Variants in PCDHA9 observed in about 807,000 individuals in gnomAD.
PCDHA9 encodes the protein protocadherin alpha-9.
PCDHA9 carries 62 observed loss-of-function variants against 62.0 expected under a neutral mutation model. The ratio of observed to expected loss-of-function variants is 1.00; its 90% CI spans 0.81 to 1.23. PCDHA9 has a LOEUF of 1.23. Ranked by LOEUF, PCDHA9 falls within the 50% of genes most tolerant of loss-of-function variation. The probability of loss-of-function intolerance (pLI) is 0.00; values close to 1 mark genes in which losing one functional copy is unlikely to be tolerated. For synonymous variants in PCDHA9, 557 were observed against 567.6 expected (o/e 0.98, Z 0.27); for missense variants, 1,205 against 1,249.8 (o/e 0.96, Z 0.54).
chr5:140,955,078 G>T lies in PCDHA9; in HGVS notation c.2395-23871G>T, dbSNP rs192023775. On this transcript the variant is annotated intron_variant, in intron 1 of 3. Transcript: ENST00000532602. ...TTGTCAGGTTTGTTGAAGATCAGAT[G>T]GTTGTAGGTGTGTGGTGTTATTTCT... Among the ~76,000 whole-genome samples, 36 of 152,228 alleles carry T rather than the reference G, an allele frequency of 2.4e-4. No homozygotes were observed. In the East Asian group the frequency reaches 6.6e-3, roughly 28 times the overall value.
At chr5:140,963,701 AG>A (rs1226096855) in intron 1 of PCDHA9, among the ~76,000 whole-genome samples, 2 of 152,218 alleles carry the variant, frequency 1.3e-5, no homozygotes, top group Non-Finnish European at 1.5e-5. Flanking sequence ...TGATATCTAA[AG>A]GGCCATGCTA....
intron 1 of PCDHA9, among the ~76,000 whole-genome samples, chr5:140,917,332 G>C (rs182473611): frequency 8.9e-5 from 13 of 145,644 alleles, no homozygotes; most frequent in East Asian, 6.0e-4. Flanking sequence ...GGCGGGGGAG[G>C]GGGGGGATGG....
chr5:140,926,229 G>A (rs1251523401), intron 1 of PCDHA9: 1 of 152,186 alleles, frequency 6.6e-6, no homozygotes, highest in Non-Finnish European at 1.5e-5. Context: ...AGCCTAGAAG[G>A]TGTGGTCGCT....
At chr5:140,918,237 T>C (rs2078587640) in intron 1 of PCDHA9, among the ~76,000 whole-genome samples, 2 of 152,240 alleles carry the variant, frequency 1.3e-5, no homozygotes, top group Admixed American at 1.3e-4. Context: ...TGTACATTGA[T>C]TTTGTATGCT....
chr5:140,884,514 C>A (rs368331245), intron 1 of PCDHA9: 13 of 1,614,176 alleles, frequency 8.1e-6, no homozygotes, highest in East Asian at 2.2e-5. Context: ...GGGAGTTGGT[C>A]GTACTCGCAG....
intron 1 of PCDHA9, chr5:140,877,734 G>A (rs2057311538): frequency 1.9e-6 from 3 of 1,614,070 alleles, no homozygotes; most frequent in African/African-American, 2.7e-5. Flanking sequence ...CGCAGCAGAG[G>A]AGGCAGAGGG....
chr5:140,875,371 C>T (rs2055439966), intron 1 of PCDHA9: 2 of 1,451,152 alleles, frequency 1.4e-6, no homozygotes, highest in African/African-American at 1.4e-5. Flanking sequence ...AAAAAATTTA[C>T]TAAATATGTA....
chr5:140,924,768 G>C lies in PCDHA9; in HGVS notation c.2395-54181G>C, dbSNP rs562954470. ...AAATTAACCGAGCATGGTGGTGCGCGCTTGTAGTCCTAGCTACTTAGGAGG... is the reference window on the plus strand; with the variant it reads ...AAATTAACCGAGCATGGTGGTGCGCCCTTGTAGTCCTAGCTACTTAGGAGG... On this transcript the variant is annotated intron_variant, in intron 1 of 3. Coordinates refer to ENST00000532602, the MANE Select transcript of PCDHA9 (RefSeq NM_031857.2). Among the ~76,000 whole-genome samples the C allele has an allele frequency of 3.9e-3, 597 of 151,896 alleles. 3 individuals are homozygous for C. The highest frequency in any genetic ancestry group is 0.014 in the African/African-American group (579 of 41,424).
chr5:140,998,423 T>C (rs1248330149), intron 3 of PCDHA9, among the ~76,000 whole-genome samples: 1 of 152,248 alleles, frequency 6.6e-6, no homozygotes, highest in African/African-American at 2.4e-5. Context: ...ACCTGGTTTA[T>C]CCTTTAACAC....
At chr5:140,851,092 A>T (rs371116217) in intron 1 of PCDHA9, 1 of 1,292,902 alleles carries the variant, frequency 7.7e-7, no homozygotes, top group African/African-American at 1.5e-5. Flanking sequence ...TATTAAATAG[A>T]TATTTTTTGG....
chr5:140,877,987 C>A (rs1290531354), intron 1 of PCDHA9: 13 of 1,151,196 alleles, frequency 1.1e-5, no homozygotes, highest in African/African-American at 3.1e-5. Context: ...TCATTTTGAA[C>A]TTTTATGTAT....
intron 1 of PCDHA9, chr5:140,926,986 C>A (rs782199565): frequency 8.1e-6 from 13 of 1,610,594 alleles, no homozygotes; most frequent in Non-Finnish European, 2.5e-6. Flanking sequence ...GGAGACGGAG[C>A]GGGGCGTAGC....
intron 1 of PCDHA9, among the ~76,000 whole-genome samples, chr5:140,895,618 T>C (rs569188891): frequency 1.1e-4 from 16 of 152,206 alleles, no homozygotes; most frequent in African/African-American, 3.9e-4. Context: ...TCATTGAGGG[T>C]GTTGTCTTTT....
At chr5:140,928,406 G>A (rs782285182) in intron 1 of PCDHA9, 1 of 1,614,050 alleles carries the variant, frequency 6.2e-7, no homozygotes, top group South Asian at 1.1e-5. Flanking sequence ...TCATCCAGTG[G>A]GGCCATCACT....
At chr5:140,928,830 TTCC>T in intron 1 of PCDHA9, 1 of 1,614,124 alleles carries the variant, frequency 6.2e-7, no homozygotes, top group Non-Finnish European at 8.5e-7. Flanking sequence ...ACCCACCACT[TTCC>T]TCCTCTGTCA....
chr5:140,875,567 A>G (rs1389005721), intron 1 of PCDHA9: 14 of 1,613,986 alleles, frequency 8.7e-6, no homozygotes, highest in African/African-American at 2.7e-5. Context: ...GGCCAGCTCC[A>G]CTACTCCGTC....
intron 1 of PCDHA9, chr5:140,851,686 TGA>T: frequency 1.1e-6 from 1 of 926,568 alleles, no homozygotes; most frequent in Non-Finnish European, 1.3e-6. Context: ...CTCCATTCAG[TGA>T]TAAAATGATC....
At chr5:140,887,976 TA>T (rs1462545504) in intron 1 of PCDHA9, among the ~76,000 whole-genome samples, 1 of 152,256 alleles carries the variant, frequency 6.6e-6, no homozygotes, top group African/African-American at 2.4e-5. Context: ...TTTTAAAATT[TA>T]TTTTACATGT....
intron 1 of PCDHA9, chr5:140,926,717 C>G (rs975992181): frequency 3.1e-6 from 3 of 967,258 alleles, no homozygotes; most frequent in East Asian, 6.0e-5. Context: ...CCAGCCCCGG[C>G]AATGCCGGCG....
Sources: gnomAD v4.1 joint callset for allele counts (sites outside exome capture counted in the v4.1 genomes callset) on GRCh38, gnomAD v4.1.1 for gene constraint, MANE v1.5 for transcripts, NCBI Gene and HGNC (gene_info 2026-07-23, HGNC 2026-07-21) for gene names.